Variants in TESC observed in about 807,000 individuals in gnomAD.
The protein encoded by TESC is tescalcin, also known as calcineurin B homologous protein 3.
A neutral mutation model predicts 31.0 loss-of-function variants in TESC; 19 were observed. That is an observed-to-expected ratio of 0.61 (90% confidence interval 0.43 to 0.90). The LOEUF (loss-of-function observed/expected upper bound fraction) is 0.90, where lower values mean the gene tolerates loss of function less well. Among genes scored for constraint, TESC ranks in the 40% least tolerant of loss-of-function variants. The pLI, the probability that TESC is intolerant of heterozygous loss-of-function variation, is 0.00. For missense variants in TESC, 248 were observed against 303.8 expected (o/e 0.82, Z 1.36); for synonymous variants, 109 against 114.8 (o/e 0.95, Z 0.32).
chr12:117,053,906 C>A (rs898179758), intron 3 of TESC: 7 of 152,296 alleles, frequency 4.6e-5, no homozygotes, highest in African/African-American at 1.7e-4. Flanking sequence ...CATCTGGGGA[C>A]TGGCCTAAGA....
chr12:117,099,351 G>A lies in TESC; in HGVS notation c.-69C>T. ...CCCGCACTGGCTTCGGCTGCGCAGC[G>A]GCGGGACTGGCCTCGGGTCCGGCCT... On this transcript the variant is annotated 5_prime_UTR_variant, in exon 1 of 8. Coordinates refer to ENST00000335209, the MANE Select transcript of TESC (RefSeq NM_017899.4). 1 of 1,333,390 alleles carries A rather than the reference G, an allele frequency of 7.5e-7. No individual in the cohort carries two copies. Among genetic ancestry groups the A allele is most frequent in the Non-Finnish European group, 9.6e-7 (1 of 1,040,496 alleles). The allele number at this position is 1,333,390 out of a possible 1,614,324, so 82.6% of individuals were successfully genotyped here.
chr12:117,067,930 C>T (rs1172786179), intron 2 of TESC, among the ~76,000 whole-genome samples: 1 of 152,124 alleles, frequency 6.6e-6, no homozygotes, highest in African/African-American at 2.4e-5. Context: ...AGTCTTGCTT[C>T]ATCACCTAGG....
intron 7 of TESC, among the ~76,000 whole-genome samples, chr12:117,040,238 C>T (rs1026329576): frequency 2.6e-5 from 4 of 152,158 alleles, no homozygotes; most frequent in African/African-American, 9.7e-5. Flanking sequence ...AGCTCTGGTC[C>T]CAGTCGAGCG....
chr12:117,069,737 A>G (rs1565968633), intron 2 of TESC, among the ~76,000 whole-genome samples: 3 of 152,186 alleles, frequency 2.0e-5, no homozygotes, highest in Non-Finnish European at 4.4e-5. Flanking sequence ...TGGTCCATCA[A>G]TTGCCTCATG....
At chr12:117,052,587 G>A (rs1371582764) in intron 3 of TESC, among the ~76,000 whole-genome samples, 1 of 152,128 alleles carries the variant, frequency 6.6e-6, no homozygotes, top group South Asian at 2.1e-4. Context: ...AGAGGCCGAG[G>A]TCCAGGGACC....
At position 117,056,824 on chromosome 12, in the gene TESC, C is replaced by T. The variant is rs762965516; in HGVS notation, c.191G>A (p.Arg64His). Reference sequence around the variant, plus strand: ...CGCCCACCTGTTGTCGAAGAAGGCACGAACAATTTTGGATCGGATGGGGTT... The same window carrying T: ...CGCCCACCTGTTGTCGAAGAAGGCATGAACAATTTTGGATCGGATGGGGTT... ...ELNPIRSKIV[R>H]AFFDNRNLRK... The change falls in exon 3 of 8, where the codon CGT becomes CAT. Residue 64 changes from arginine to histidine, a missense_variant. Physicochemically the swap from Arg to His is conservative, Grantham distance 29. Transcript: ENST00000335209. The T allele has an allele frequency of 7.4e-6, 12 of 1,614,120 alleles. No individual in the cohort carries two copies. Among genetic ancestry groups the T allele is most frequent in the South Asian group, 2.2e-5 (2 of 91,076 alleles).
chr12:117,067,024 C>T (rs1954895778), intron 2 of TESC, among the ~76,000 whole-genome samples: 1 of 152,202 alleles, frequency 6.6e-6, no homozygotes, highest in Non-Finnish European at 1.5e-5. Flanking sequence ...GCTCTCCTCA[C>T]GTCTGCCTTA....
intron 1 of TESC, among the ~76,000 whole-genome samples, chr12:117,080,227 G>A (rs1177402009): frequency 6.6e-6 from 1 of 152,162 alleles, no homozygotes; most frequent in African/African-American, 2.4e-5. Context: ...CAGCACTTCG[G>A]GAGGCTGAGG....
chr12:117,046,839 C>G lies in TESC; in HGVS notation c.350-1G>C. ...TCCGAGTCGTACATGTGGAACAGAA[C>G]TAGGGTGGCAGGGGAGAGAGGGGAC... is the stretch of plus-strand genomic sequence containing the variant. On this transcript the variant is annotated splice_acceptor_variant, in intron 4 of 7. Coordinates refer to ENST00000335209, the MANE Select transcript of TESC (RefSeq NM_017899.4). LOFTEE classifies it high-confidence loss of function. 1 of 1,567,026 alleles carries G rather than the reference C, an allele frequency of 6.4e-7. No individual in the cohort carries two copies. Among genetic ancestry groups the G allele is most frequent in the Non-Finnish European group, 8.7e-7 (1 of 1,155,478 alleles).
intron 2 of TESC, among the ~76,000 whole-genome samples, chr12:117,074,560 G>T (rs1955023323): frequency 6.6e-6 from 1 of 152,076 alleles, no homozygotes; most frequent in Non-Finnish European, 1.5e-5. Context: ...CCTAAAGAAG[G>T]AGAGTCAAAA....
chr12:117,093,432 T>G (rs779775340), intron 1 of TESC, among the ~76,000 whole-genome samples: 39 of 150,204 alleles, frequency 2.6e-4, no homozygotes, highest in Non-Finnish European at 3.2e-4. Flanking sequence ...TCTTTTTTTC[T>G]TTGGAGACAG....
rs531318915 is a variant in TESC at position 117,095,186 on chromosome 12, G to A, written c.58+4039C>T. On this transcript the variant is annotated intron_variant, in intron 1 of 7. Coordinates refer to ENST00000335209, the MANE Select transcript of TESC (RefSeq NM_017899.4). ...GCCACCCAGGTTCAAGCGATTCTCC[G>A]ACCTCAGCCTCCCGAGTAGCTGGGA... Among the ~76,000 whole-genome samples the A allele has an allele frequency of 9.2e-5, 14 of 151,914 alleles. No homozygotes were observed. In the South Asian group the frequency reaches 1.2e-3, roughly 14 times the overall value.
chr12:117,096,214 G>C (rs988292667), intron 1 of TESC, among the ~76,000 whole-genome samples: 2 of 152,170 alleles, frequency 1.3e-5, no homozygotes, highest in Non-Finnish European at 2.9e-5. Context: ...AGAAAGTCAG[G>C]GGTCATCTTG....
At chr12:117,060,625 G>A (rs999208604) in intron 2 of TESC, among the ~76,000 whole-genome samples, 4 of 152,084 alleles carry the variant, frequency 2.6e-5, no homozygotes, top group Non-Finnish European at 4.4e-5. Context: ...TCGCTTCCCA[G>A]AGACCCCACA....
intron 1 of TESC, among the ~76,000 whole-genome samples, chr12:117,078,763 C>T (rs192485737): frequency 6.6e-6 from 1 of 152,244 alleles, no homozygotes; most frequent in East Asian, 1.9e-4. Flanking sequence ...ATAATTATTT[C>T]TCATCTCAAT....
chr12:117,075,515 C>T (rs1239240969), intron 1 of TESC, among the ~76,000 whole-genome samples, 175 bp from the exon 2 acceptor site: 14 of 152,094 alleles, frequency 9.2e-5, no homozygotes, highest in Admixed American at 7.2e-4. Context: ...AAGGATTTCC[C>T]GTTCTTCCCA....
At chr12:117,043,409 G>A (rs1426887596) in intron 6 of TESC, among the ~76,000 whole-genome samples, 4 of 152,152 alleles carry the variant, frequency 2.6e-5, no homozygotes, top group Non-Finnish European at 5.9e-5. Flanking sequence ...TTATGCACCA[G>A]GCATGTATGT....
chr12:117,064,069 T>C (rs1954837045), intron 2 of TESC, among the ~76,000 whole-genome samples: 1 of 151,942 alleles, frequency 6.6e-6, no homozygotes, highest in African/African-American at 2.4e-5. Flanking sequence ...GGACTACAGG[T>C]GTGTACCACC....
At chr12:117,075,899 A>ATATATATATATATGTGTG in intron 1 of TESC, among the ~76,000 whole-genome samples, 1 of 73,180 alleles carries the variant, frequency 1.4e-5, no homozygotes, top group African/African-American at 8.2e-5. Flanking sequence ...ATATATATAT[A>ATATATATATATATGTGTG]TATATATATA....
Sources: allele counts gnomAD v4.1 joint callset (sites outside exome capture counted in the v4.1 genomes callset), GRCh38; gene constraint gnomAD v4.1.1; transcripts MANE v1.5; gene names NCBI Gene and HGNC (gene_info 2026-07-23, HGNC 2026-07-21).